Variants in JAG2 observed in about 807,000 individuals in gnomAD.
JAG2 encodes the protein protein jagged-2.
Under a neutral mutation model 141.7 loss-of-function variants are expected in JAG2, and 46 were observed. The observed-to-expected ratio is 0.32, with a 90% CI of 0.26 to 0.42. JAG2 has a LOEUF of 0.42. JAG2 is among the 10% of genes least tolerant of loss of function. The pLI is 1.00. For missense variants in JAG2, 1,500 were observed against 1,817.5 expected (o/e 0.83, Z 3.18); for synonymous variants, 862 against 763.5 (o/e 1.13, Z -2.13).
chr14:105,162,746 GCCTTGT>G (rs1888791833), intron 2 of JAG2, among the ~76,000 whole-genome samples: 5 of 58,496 alleles, frequency 8.5e-5, no homozygotes, highest in East Asian at 3.4e-4. Context: ...ACACCCCACA[GCCTTGT>G]GCACCCCATG....
intron 24 of JAG2, among the ~76,000 whole-genome samples, chr14:105,143,918 G>A (rs1888144014): frequency 6.6e-6 from 1 of 150,796 alleles, no homozygotes; most frequent in Admixed American, 6.6e-5. Context: ...GGGGGAAGGG[G>A]AGGGGTGGAG....
Position 105,167,454 on chromosome 14 carries a change from C to T in JAG2, c.417+303G>A, listed in dbSNP as rs1010229908. 4.6e-5 allele frequency among the ~76,000 whole-genome samples: 7 copies of T among 151,450 alleles called. No individual in the cohort carries two copies. Among genetic ancestry groups the T allele is most frequent in the African/African-American group, 7.3e-5 (3 of 41,308 alleles). On this transcript the variant is annotated intron_variant, in intron 2 of 25. Coordinates refer to ENST00000331782, the MANE Select transcript of JAG2 (RefSeq NM_002226.5). The surrounding 1 kb of genome is among the most constrained non-coding windows in gnomAD (Gnocchi z 4.8). Reference sequence around the variant, plus strand: ...GGACCGGGGCGCCTCGCCTCGCCTCCCCACCCAGACAGACACGCGCAGGGC... The same window carrying T: ...GGACCGGGGCGCCTCGCCTCGCCTCTCCACCCAGACAGACACGCGCAGGGC...
At chr14:105,152,596 G>A (rs182717377) in intron 5 of JAG2, among the ~76,000 whole-genome samples, 7 of 152,234 alleles carry the variant, frequency 4.6e-5, no homozygotes, top group East Asian at 1.9e-4. Flanking sequence ...AGGCCCTGCC[G>A]GGACCCCGGG....
In JAG2 at chr14:105,155,882, G is replaced by A. The variant is rs1446530594; in HGVS notation, c.583C>T (p.Arg195Cys). ...GHVAHLELQI[R>C]VRCDENYYSA... ...TAGTAGTTCTCGTCGCAGCGCACGC[G>A]GATCTGCAGCTCCAGGTGCGCCACG... Residue 195 changes from arginine (R) to cysteine (C), a missense_variant, in exon 4 of 26, where the codon CGC (arginine) becomes TGC (cysteine). Coordinates refer to ENST00000331782, the MANE Select transcript of JAG2 (RefSeq NM_002226.5). 1.9e-6 allele frequency: 3 copies of A among 1,612,112 alleles called. No homozygotes were observed. Among genetic ancestry groups the A allele is most frequent in the South Asian group, 1.1e-5 (1 of 90,956 alleles).
rs146037139 is a variant in JAG2 at position 105,142,988 on chromosome 14, C to T, written c.3424G>A (p.Gly1142Arg). The change falls in exon 26 of 26, where the codon GGG becomes AGG. Residue 1142 changes from glycine (G) to arginine (R), a missense_variant. Physicochemically the swap from Gly to Arg is moderately radical, Grantham distance 125. Transcript: ENST00000331782. ...NPIRNPIERPGGHKDVLYQCK... is the reference protein window; with the variant it reads ...NPIRNPIERPRGHKDVLYQCK... ...TGGTAGAGCACGTCCTTGTGGCCCC[C>T]CGGCCGCTCAATGGGGTTGCGGATG... 4.6e-3 allele frequency: 7,348 copies of T among 1,609,564 alleles called. 22 individuals carry two copies. The highest frequency in any genetic ancestry group is 5.6e-3 in the Non-Finnish European group (6,592 of 1,179,438).
intron 23 of JAG2, among the ~76,000 whole-genome samples, chr14:105,145,433 G>A (rs1888193904): frequency 1.3e-5 from 2 of 152,212 alleles, no homozygotes; most frequent in African/African-American, 4.8e-5. Flanking sequence ...ACTGCCCACG[G>A]AGCTACAGCC....
At chr14:105,152,556 T>A (rs1297347952) in intron 5 of JAG2, among the ~76,000 whole-genome samples, 1 of 152,092 alleles carries the variant, frequency 6.6e-6, no homozygotes, top group Non-Finnish European at 1.5e-5. Flanking sequence ...ACCCGTGAGC[T>A]GGGCCCCGAG....
chr14:105,155,928 C>T lies in JAG2; in HGVS notation c.537G>A (p.Lys179=), dbSNP rs587593637. The change falls in exon 4 of 26, where the codon AAG becomes AAA. Residue 179 remains lysine, a synonymous_variant. Transcript: ENST00000331782. ...AGMINPEDRW[K]SLHFSGHVAH... is the part of the protein sequence containing the mutation. ...CCACGTGGCCGCTGAAGTGCAGGCTCTTCCAGCGGTCCTCCGGGTTGATCA... is the reference window on the plus strand; with the variant it reads ...CCACGTGGCCGCTGAAGTGCAGGCTTTTCCAGCGGTCCTCCGGGTTGATCA... 3 of 1,611,788 alleles carry T rather than the reference C, an allele frequency of 1.9e-6. No individual in the cohort carries two copies. The highest frequency in any genetic ancestry group is 1.7e-5 in the Admixed American group (1 of 59,980).
chr14:105,157,628 A>G, intron 3 of JAG2, 78 bp downstream of exon 3: 2 of 1,303,304 alleles, frequency 1.5e-6, no homozygotes, highest in Non-Finnish European at 2.2e-6. Flanking sequence ...CTTTGTCCCA[A>G]GCAGACAGAG....
At chr14:105,151,182 GCCCAGCAGCCCCAGCAGC>G (rs879116815) in intron 9 of JAG2, 78 bp from the exon 10 acceptor site, 53 of 1,252,220 alleles carry the variant, frequency 4.2e-5, no homozygotes, top group Admixed American at 2.6e-4. Context: ...GGCACCCGCA[GCCCAGCAGCCCCAGCAGC>G]CCCAGCAGCC....
chr14:105,156,101 A>T, intron 3 of JAG2, 112 bp from the exon 4 acceptor site: 2 of 1,354,300 alleles, frequency 1.5e-6, no homozygotes, highest in Non-Finnish European at 2.0e-6. Flanking sequence ...GCCGGGGCAC[A>T]GCAGGCAGCA....
At position 105,146,988 on chromosome 14, in the gene JAG2, A is replaced by G. The variant is rs1888244978; in HGVS notation, c.2480-264T>C. On this transcript the variant is annotated intron_variant, in intron 20 of 25. Coordinates refer to ENST00000331782, the MANE Select transcript of JAG2 (RefSeq NM_002226.5). Reference sequence around the variant, plus strand: ...TTAGCCCCAGCTGCTGCGTCGGACCAGCCAAGGGGTGCTGGACAGACAGCT... The same window carrying G: ...TTAGCCCCAGCTGCTGCGTCGGACCGGCCAAGGGGTGCTGGACAGACAGCT... The G allele has an allele frequency of 4.9e-6, 3 of 617,744 alleles. No homozygotes were observed. The South Asian group carries it at 5.5e-5, about 11-fold the overall frequency. 38.3% of individuals were successfully genotyped at this position (617,744 alleles called of 1,614,324 possible).
At position 105,167,645 on chromosome 14, in the gene JAG2, C is replaced by T; in HGVS notation, c.417+112G>A. On this transcript the variant is annotated intron_variant, in intron 2 of 25. Coordinates refer to ENST00000331782, the MANE Select transcript of JAG2 (RefSeq NM_002226.5). The surrounding 1 kb of genome is among the most constrained non-coding windows in gnomAD (Gnocchi z 4.8). ...CTGCCGGCCCCGCCCCGCCTGGGCG[C>T]GCGCGGCTCGCACGCAGACCCGGCC... 8.5e-7 allele frequency: 1 copy of T among 1,173,146 alleles called. No individual in the cohort carries two copies. The highest frequency in any genetic ancestry group is 1.1e-6 in the Non-Finnish European group (1 of 945,494). The allele number at this position is 1,173,146 out of a possible 1,614,324, so 72.7% of individuals were successfully genotyped here.
chr14:105,150,566 G>A (rs1888389697), intron 12 of JAG2, 38 bp downstream of exon 12: 1 of 1,533,780 alleles, frequency 6.5e-7, no homozygotes, highest in South Asian at 1.2e-5. Flanking sequence ...ACAGCTCCCA[G>A]AGCAGCAGGT....
At chr14:105,165,656 C>T (rs587714744) in intron 2 of JAG2, among the ~76,000 whole-genome samples, 54 of 152,308 alleles carry the variant, frequency 3.5e-4, no homozygotes, top group Non-Finnish European at 5.0e-4. Context: ...ACAGCAGAGA[C>T]CACAAGGTGG....
Position 105,142,619 on chromosome 14 carries a change from G to T in JAG2, c.*76C>A. The T allele has an allele frequency of 1.9e-6, 2 of 1,075,768 alleles. No homozygotes were observed. The highest frequency in any genetic ancestry group is 1.4e-6 in the Non-Finnish European group (1 of 739,064). 66.6% of individuals were successfully genotyped at this position (1,075,768 alleles called of 1,614,324 possible). A position where few individuals can be genotyped will look rare whatever the true frequency, so the allele number is the denominator to read the frequency against. ...ACAAAATAAAGAAACTATGCACATG[G>T]CCTCGGCCTCCGGGTCCGGCAGACG... On this transcript the variant is annotated 3_prime_UTR_variant, in exon 26 of 26. Coordinates refer to ENST00000331782, the MANE Select transcript of JAG2 (RefSeq NM_002226.5).
Position 105,147,756 on chromosome 14 carries a change from C to A in JAG2, c.2365+16G>T, listed in dbSNP as rs895969625. ...TGGAGGAAAGCGGCCCCCGCCCACACCCCTCCCACACTCACTGTGAGTGCA... is the reference window on the plus strand; with the variant it reads ...TGGAGGAAAGCGGCCCCCGCCCACAACCCTCCCACACTCACTGTGAGTGCA... On this transcript the variant is annotated intron_variant, in intron 18 of 25. Coordinates refer to ENST00000331782, the MANE Select transcript of JAG2 (RefSeq NM_002226.5). 7 of 1,509,474 alleles carry A rather than the reference C, an allele frequency of 4.6e-6. No homozygotes were observed. The highest frequency in any genetic ancestry group is 4.5e-6 in the Non-Finnish European group (5 of 1,111,452). 93.5% of individuals were successfully genotyped at this position (1,509,474 alleles called of 1,614,324 possible). A position where few individuals can be genotyped will look rare whatever the true frequency, so the allele number is the denominator to read the frequency against.
intron 5 of JAG2, among the ~76,000 whole-genome samples, chr14:105,155,033 C>A (rs1595182191): frequency 6.9e-6 from 1 of 145,336 alleles, no homozygotes; most frequent in East Asian, 2.1e-4. Context: ...CAGCGGCCTC[C>A]CCCTCACAGC....
Position 105,143,475 on chromosome 14 carries a change from C to T in JAG2, c.3241+7G>A, listed in dbSNP as rs773198204. The T allele has an allele frequency of 2.5e-5, 38 of 1,547,230 alleles. No individual in the cohort carries two copies. The highest frequency in any genetic ancestry group is 1.7e-4 in the Middle Eastern group (1 of 5,752). ...TGCCTTCCCAGGGGCCCACCTCCCGCGCTTACCTGTGGAAGAGCCGCCCGT... is the reference window on the plus strand; with the variant it reads ...TGCCTTCCCAGGGGCCCACCTCCCGTGCTTACCTGTGGAAGAGCCGCCCGT... On this transcript the variant is annotated splice_region_variant and intron_variant, in intron 25 of 25. Transcript: ENST00000331782.
Sources: allele counts gnomAD v4.1 joint callset (sites outside exome capture counted in the v4.1 genomes callset), GRCh38; gene constraint gnomAD v4.1.1; non-coding constraint Gnocchi (gnomAD v3.1); transcripts MANE v1.5; gene names NCBI Gene and HGNC (gene_info 2026-07-23, HGNC 2026-07-21).